Variants in ITPR2 observed in about 807,000 individuals in gnomAD.
The protein encoded by ITPR2 is inositol 1,4,5-trisphosphate-gated calcium channel ITPR2.
Under a neutral mutation model 317.1 loss-of-function variants are expected in ITPR2, and 207 were observed. The observed-to-expected ratio is 0.65, with a 90% CI of 0.58 to 0.73. The LOEUF is 0.73. ITPR2 is among the 30% of genes least tolerant of loss of function. The pLI, the probability that ITPR2 is intolerant of heterozygous loss-of-function variation, is 0.00. For missense variants in ITPR2, 2,613 were observed against 3,284.0 expected (o/e 0.80, Z 4.99); for synonymous variants, 1,156 against 1,149.1 (o/e 1.01, Z -0.12).
intron 26 of ITPR2, among the ~76,000 whole-genome samples, chr12:26,606,290 A>C (rs1946126340): frequency 6.6e-6 from 1 of 152,192 alleles, no homozygotes; most frequent in African/African-American, 2.4e-5. Flanking sequence ...ACGATGCTCC[A>C]AACGTCCTTG....
intron 2 of ITPR2, among the ~76,000 whole-genome samples, chr12:26,772,555 C>T (rs1269766609): frequency 7.7e-6 from 1 of 130,592 alleles, no homozygotes; most frequent in Non-Finnish European, 1.6e-5. Context: ...ATATATAATA[C>T]ATGTATTATA....
At chr12:26,556,726 T>C (rs1166313768) in intron 35 of ITPR2, among the ~76,000 whole-genome samples, 1 of 147,858 alleles carries the variant, frequency 6.8e-6, no homozygotes, top group African/African-American at 2.5e-5. Flanking sequence ...ACATGAGAGG[T>C]ACTCATTACT....
intron 32 of ITPR2, among the ~76,000 whole-genome samples, chr12:26,585,485 A>G (rs1200305609): frequency 6.6e-6 from 1 of 151,992 alleles, no homozygotes; most frequent in African/African-American, 2.4e-5. Flanking sequence ...GCTCATTGCA[A>G]CCTCCGCCTC....
intron 9 of ITPR2, among the ~76,000 whole-genome samples, chr12:26,707,641 C>T (rs934253720): frequency 1.3e-5 from 2 of 152,204 alleles, no homozygotes; most frequent in African/African-American, 4.8e-5. Context: ...AAGCAATTCT[C>T]TCCCACATCT....
intron 13 of ITPR2, among the ~76,000 whole-genome samples, chr12:26,681,212 T>C (rs192793784): frequency 6.6e-6 from 1 of 152,314 alleles, no homozygotes; most frequent in African/African-American, 2.4e-5. Flanking sequence ...CCCTCGTCAG[T>C]TTTCCTTTAT....
chr12:26,478,930 A>G (rs907523836), intron 43 of ITPR2, among the ~76,000 whole-genome samples: 3 of 152,116 alleles, frequency 2.0e-5, no homozygotes, highest in Admixed American at 2.0e-4. Context: ...AATTAAATTC[A>G]GGAATGAATG....
At chr12:26,745,570 G>A (rs1340087970) in intron 2 of ITPR2, among the ~76,000 whole-genome samples, 1 of 152,190 alleles carries the variant, frequency 6.6e-6, no homozygotes, top group Non-Finnish European at 1.5e-5. Flanking sequence ...ACAGCCTCAA[G>A]AAAGGAGAAG....
chr12:26,472,781 T>C lies in ITPR2; in HGVS notation c.6342+2515A>G, dbSNP rs1942324849. ...ATGTTTTCTATCATCTTTCCATCTC[T>C]GAGCACTGCTTGCATTCTTTACCCT... On this transcript the variant is annotated intron_variant, in intron 45 of 56. Transcript: ENST00000381340. Among the ~76,000 whole-genome samples the C allele has an allele frequency of 2.0e-5, 3 of 152,372 alleles. No individual in the cohort carries two copies. The East Asian group carries it at 5.8e-4, about 29-fold the overall frequency.
At chr12:26,446,732 C>CA (rs34601956) in intron 45 of ITPR2, among the ~76,000 whole-genome samples, 11,018 of 122,694 alleles carry the variant, frequency 0.09, 912 homozygotes, top group East Asian at 0.27. Flanking sequence ...AAAAGGGACT[C>CA]AAAAAAAAAA....
intron 55 of ITPR2, among the ~76,000 whole-genome samples, chr12:26,364,897 C>G (rs1938957095): frequency 6.6e-6 from 1 of 152,164 alleles, no homozygotes; most frequent in Admixed American, 6.5e-5. Flanking sequence ...CCTTTGTCCC[C>G]TAAGAGAGAG....
intron 21 of ITPR2, among the ~76,000 whole-genome samples, chr12:26,645,037 C>T (rs1947081026): frequency 6.6e-6 from 1 of 152,120 alleles, no homozygotes; most frequent in African/African-American, 2.4e-5. Flanking sequence ...CTTCAACCTC[C>T]CAGAAGCCTC....
intron 55 of ITPR2, among the ~76,000 whole-genome samples, chr12:26,345,231 C>G (rs1938268257): frequency 2.0e-5 from 3 of 151,816 alleles, no homozygotes; most frequent in Admixed American, 6.6e-5. Context: ...AGAAAGCAGT[C>G]TTGTAAAAAT....
intron 55 of ITPR2, among the ~76,000 whole-genome samples, chr12:26,371,337 A>G (rs984383283): frequency 6.6e-6 from 1 of 152,238 alleles, no homozygotes; most frequent in South Asian, 2.1e-4. Context: ...TTAGAGATCA[A>G]TTATTTCATT....
chr12:26,428,417 T>G (rs190236661), intron 48 of ITPR2, among the ~76,000 whole-genome samples: 77 of 152,302 alleles, frequency 5.1e-4, no homozygotes, highest in African/African-American at 1.7e-3. Context: ...TCGGGAACCT[T>G]AATCCAAAAT....
intron 45 of ITPR2, among the ~76,000 whole-genome samples, chr12:26,470,397 A>G (rs1942268745): frequency 6.6e-6 from 1 of 152,228 alleles, no homozygotes. Context: ...AAAACATAAA[A>G]GCCAGTAAAT....
At chr12:26,592,959 T>G (rs1041162577) in intron 32 of ITPR2, among the ~76,000 whole-genome samples, 1 of 152,214 alleles carries the variant, frequency 6.6e-6, no homozygotes, top group African/African-American at 2.4e-5. Flanking sequence ...TTTATACACA[T>G]TATCTCATTG....
At chr12:26,499,596 C>T (rs903354139) in intron 37 of ITPR2, among the ~76,000 whole-genome samples, 1 of 152,086 alleles carries the variant, frequency 6.6e-6, no homozygotes, top group Non-Finnish European at 1.5e-5. Flanking sequence ...ATAGTAAGTG[C>T]TATAAAAGTT....
intron 50 of ITPR2, 70 bp downstream of exon 50, chr12:26,418,979 G>A: frequency 3.9e-6 from 5 of 1,297,892 alleles, no homozygotes; most frequent in East Asian, 2.6e-5. Flanking sequence ...AAAATCAAAG[G>A]AAGAGGCATA....
intron 33 of ITPR2, among the ~76,000 whole-genome samples, chr12:26,579,777 T>G (rs1027503505): frequency 6.6e-6 from 1 of 152,142 alleles, no homozygotes; most frequent in African/African-American, 2.4e-5. Context: ...TTTCAACACC[T>G]GGCAATCAAC....
Sources: gnomAD v4.1 joint callset for allele counts (sites outside exome capture counted in the v4.1 genomes callset) on GRCh38, gnomAD v4.1.1 for gene constraint, MANE v1.5 for transcripts, NCBI Gene and HGNC (gene_info 2026-07-23, HGNC 2026-07-21) for gene names.